PCDHGA4: variants seen among roughly 807,000 people sequenced by gnomAD.
PCDHGA4 encodes protocadherin gamma-A4.
A neutral mutation model predicts 54.6 loss-of-function variants in PCDHGA4; 38 were observed. The ratio of observed to expected loss-of-function variants is 0.70; its 90% CI spans 0.54 to 0.91. The LOEUF is 0.91. PCDHGA4 is among the 40% of genes least tolerant of loss of function. The probability of loss-of-function intolerance (pLI) is 0.00; values close to 1 mark genes in which losing one functional copy is unlikely to be tolerated. For missense variants in PCDHGA4, 1,298 were observed against 1,220.9 expected (o/e 1.06, Z -0.94); for synonymous variants, 511 against 512.9 (o/e 1.00, Z 0.05).
At chr5:141,377,627 T>A (rs893549240) in intron 1 of PCDHGA4, 5 of 152,084 alleles carry the variant, frequency 3.3e-5, no homozygotes, top group African/African-American at 9.7e-5. Context: ...AAGATTTTGT[T>A]TTTTCTCAGT....
chr5:141,366,595 C>T, intron 1 of PCDHGA4: 1 of 1,614,264 alleles, frequency 6.2e-7, no homozygotes, highest in Non-Finnish European at 8.5e-7. Flanking sequence ...CCTATTCCCA[C>T]GAGGTCTCCC....
intron 1 of PCDHGA4, among the ~76,000 whole-genome samples, chr5:141,460,983 GTA>G (rs59296681): frequency 1.2e-4 from 16 of 137,836 alleles, no homozygotes; most frequent in East Asian, 2.1e-4. Context: ...GTGTGTGTGT[GTA>G]TATATATATA....
intron 1 of PCDHGA4, chr5:141,391,245 G>A (rs1324945676): frequency 6.6e-6 from 1 of 151,892 alleles, no homozygotes; most frequent in African/African-American, 2.4e-5. Flanking sequence ...GTATATCTAA[G>A]CAACTGCTTC....
chr5:141,463,574 G>A (rs942457606), intron 1 of PCDHGA4, among the ~76,000 whole-genome samples: 1 of 146,978 alleles, frequency 6.8e-6, no homozygotes, highest in Non-Finnish European at 1.5e-5. Flanking sequence ...TCAGCCTCCC[G>A]AGTAGCTGGG....
intron 1 of PCDHGA4, chr5:141,383,606 A>G (rs368778165): frequency 6.2e-7 from 1 of 1,613,768 alleles, no homozygotes; most frequent in Non-Finnish European, 8.5e-7. Flanking sequence ...GTGGATGTGA[A>G]TGACCACACG....
At position 141,387,415 on chromosome 5, in the gene PCDHGA4, A is replaced by C. The variant is rs111350375; in HGVS notation, c.2514+29794A>C. Among the ~76,000 whole-genome samples the C allele has an allele frequency of 1.1e-3, 175 of 152,362 alleles. 1 individual carries two copies. Among genetic ancestry groups the C allele is most frequent in the Admixed American group, 4.9e-3 (75 of 15,312 alleles). ...CATGTTTGAAGATTGGGGAAAGCTT[A>C]TGTCAATAAATGTTTATGTACTTAA... On this transcript the variant is annotated intron_variant, in intron 1 of 3. Coordinates refer to ENST00000571252, the MANE Select transcript of PCDHGA4 (RefSeq NM_018917.4).
At chr5:141,388,216 A>G (rs1391427454) in intron 1 of PCDHGA4, 1 of 1,598,862 alleles carries the variant, frequency 6.3e-7, no homozygotes, top group African/African-American at 1.4e-5. Flanking sequence ...GCTGTTGCTG[A>G]AAATCCACTG....
In PCDHGA4 at chr5:141,485,051, CCGAACCGCG is replaced by C. The variant is rs2099605816; in HGVS notation, c.2515-9754_2515-9746del. On this transcript the variant is annotated intron_variant, in intron 1 of 3. Coordinates refer to ENST00000571252, the MANE Select transcript of PCDHGA4 (RefSeq NM_018917.4). This position sits in a 1 kb window ranked among gnomAD's most constrained non-coding sequence, Gnocchi z 5.7. ...CGGCGCGTAACCCTTGCGGCGCCGG[CCGAACCGCG>C]CCAGAGCTGGCGCGGGGAAAGGGAG... 1.2e-6 allele frequency: 1 copy of C among 801,304 alleles called. No individual in the cohort carries two copies. Among genetic ancestry groups the C allele is most frequent in the East Asian group, 2.5e-5 (1 of 40,224 alleles). 49.6% of individuals were successfully genotyped at this position (801,304 alleles called of 1,614,324 possible). A position where few individuals can be genotyped will look rare whatever the true frequency, so the allele number is the denominator to read the frequency against.
At chr5:141,371,483 G>T in intron 1 of PCDHGA4, 1 of 1,613,952 alleles carries the variant, frequency 6.2e-7, no homozygotes, top group Non-Finnish European at 8.5e-7. Context: ...CTGAGCTGGG[G>T]ACTGCCGTTG....
In PCDHGA4 at chr5:141,491,425, C is replaced by CA; in HGVS notation, c.2515-3381dup. The CA allele has an allele frequency of 6.2e-7, 1 of 1,614,076 alleles. No homozygotes were observed. The highest frequency in any genetic ancestry group is 8.5e-7 in the Non-Finnish European group (1 of 1,179,996). On this transcript the variant is annotated intron_variant, in intron 1 of 3. Coordinates refer to ENST00000571252, the MANE Select transcript of PCDHGA4 (RefSeq NM_018917.4). The surrounding 1 kb of genome is among the most constrained non-coding windows in gnomAD (Gnocchi z 6.9). ...CGCAGACGGGGACGGGGGTGGAGGG[C>CA]AGTGCTGCAGGCGCCAGGACTCACC...
rs781500930 is a variant in PCDHGA4, at chr5:141,376,588, TC to T, written c.2514+18968del. 8 of 1,575,434 alleles carry T rather than the reference TC, an allele frequency of 5.1e-6. No homozygotes were observed. The South Asian group carries it at 8.1e-5, about 16-fold the overall frequency. ...TAATCAGACAGGCTCATCAGCTAGA[TC>T]GGCTGTTATAGAAGCGAACCTCTTT... On this transcript the variant is annotated intron_variant, in intron 1 of 3. Transcript: ENST00000571252.
At chr5:141,504,738 C>G (rs2099840693) in intron 2 of PCDHGA4, among the ~76,000 whole-genome samples, 1 of 151,874 alleles carries the variant, frequency 6.6e-6, no homozygotes, top group Non-Finnish European at 1.5e-5. Flanking sequence ...GCTTAGGAAG[C>G]CATTGAATTT....
intron 2 of PCDHGA4, among the ~76,000 whole-genome samples, chr5:141,501,236 G>T (rs571684337): frequency 5.5e-4 from 83 of 150,782 alleles, no homozygotes; most frequent in African/African-American, 2.0e-3. Context: ...TCAGTTTTTT[G>T]AGCATGATGT....
intron 1 of PCDHGA4, chr5:141,416,827 T>A (rs981344540): frequency 1.2e-4 from 18 of 152,268 alleles, no homozygotes; most frequent in African/African-American, 3.9e-4. Context: ...CCGAAGTTTC[T>A]CAAGACCCTT....
At chr5:141,424,832 A>G (rs2096843522) in intron 1 of PCDHGA4, among the ~76,000 whole-genome samples, 1 of 152,174 alleles carries the variant, frequency 6.6e-6, no homozygotes. Context: ...TGCCTGACAT[A>G]CATGTTATCT....
At chr5:141,399,311 A>C in intron 1 of PCDHGA4, 1 of 1,613,970 alleles carries the variant, frequency 6.2e-7, no homozygotes, top group Non-Finnish European at 8.5e-7. Context: ...TCTTCATCCA[A>C]AAATTCGTAT....
rs372043756 is a variant in PCDHGA4 at position 141,476,212 on chromosome 5, C to G, written c.2515-18595C>G. ...GTGCCTTGAACAAGGCTTCCACGGT[C>G]ATTCACTATGAGATCCCGGAGGAAA... On this transcript the variant is annotated intron_variant, in intron 1 of 3. Coordinates refer to ENST00000571252, the MANE Select transcript of PCDHGA4 (RefSeq NM_018917.4). The surrounding 1 kb of genome is among the most constrained non-coding windows in gnomAD (Gnocchi z 7.6). 6 of 1,613,932 alleles carry G rather than the reference C, an allele frequency of 3.7e-6. No individual in the cohort carries two copies. The highest frequency in any genetic ancestry group is 5.1e-6 in the Non-Finnish European group (6 of 1,180,012).
chr5:141,381,844 T>TTTTTTTTC, intron 1 of PCDHGA4, among the ~76,000 whole-genome samples: 1 of 145,182 alleles, frequency 6.9e-6, no homozygotes. Context: ...TTTTTTTTTT[T>TTTTTTTTC]TTTTGGCAGA....
intron 1 of PCDHGA4, among the ~76,000 whole-genome samples, chr5:141,457,029 C>G (rs2098904194): frequency 6.6e-6 from 1 of 152,170 alleles, no homozygotes; most frequent in Non-Finnish European, 1.5e-5. Flanking sequence ...TCCTAGTAGA[C>G]TCAGTGATAG....
Sources: allele counts gnomAD v4.1 joint callset (sites outside exome capture counted in the v4.1 genomes callset), GRCh38; gene constraint gnomAD v4.1.1; non-coding constraint Gnocchi (gnomAD v3.1); transcripts MANE v1.5; gene names NCBI Gene and HGNC (gene_info 2026-07-23, HGNC 2026-07-21).